ADGRL3: variants seen among roughly 807,000 people sequenced by gnomAD.
ADGRL3 encodes adhesion G protein-coupled receptor L3.
Under a neutral mutation model 153.5 loss-of-function variants are expected in ADGRL3, and 62 were observed. The ratio of observed to expected loss-of-function variants is 0.40; its 90% CI spans 0.33 to 0.50. The LOEUF (loss-of-function observed/expected upper bound fraction) is 0.50. ADGRL3 is among the 20% of genes least tolerant of loss of function. The pLI, the probability that ADGRL3 is intolerant of heterozygous loss-of-function variation, is 0.47. For synonymous variants in ADGRL3, 710 were observed against 672.5 expected (o/e 1.06, Z -0.86); for missense variants, 1,641 against 1,859.4 (o/e 0.88, Z 2.16).
At chr4:61,334,881 A>G (rs565500192) in intron 1 of ADGRL3, among the ~76,000 whole-genome samples, 7 of 152,226 alleles carry the variant, frequency 4.6e-5, no homozygotes, top group African/African-American at 1.4e-4. Flanking sequence ...TTAAATAGGG[A>G]TAAAATCTAG....
intron 1 of ADGRL3, among the ~76,000 whole-genome samples, chr4:61,248,836 A>G (rs992864590): frequency 6.6e-6 from 1 of 152,168 alleles, no homozygotes; most frequent in African/African-American, 2.4e-5. Context: ...AATAGTGTCT[A>G]AATCTGCTTT....
chr4:61,435,509 G>A (rs1289657598), intron 2 of ADGRL3, among the ~76,000 whole-genome samples: 1 of 152,052 alleles, frequency 6.6e-6, no homozygotes, highest in African/African-American at 2.4e-5. Flanking sequence ...CATTACCGGT[G>A]TGAAAATGGA....
chr4:61,587,193 A>T, intron 4 of ADGRL3, 34 bp from the exon 5 acceptor site: 1 of 1,468,166 alleles, frequency 6.8e-7, no homozygotes, highest in Non-Finnish European at 9.4e-7. Flanking sequence ...TGTAGTAACG[A>T]TGGCATCTCT....
intron 3 of ADGRL3, among the ~76,000 whole-genome samples, chr4:61,497,816 G>T (rs763027165): frequency 1.3e-4 from 19 of 151,752 alleles, no homozygotes; most frequent in Admixed American, 1.2e-3. Flanking sequence ...GAGCCACCGC[G>T]CCCAGCCCAT....
chr4:61,896,718 T>C (rs950582484), intron 11 of ADGRL3, among the ~76,000 whole-genome samples: 7 of 152,200 alleles, frequency 4.6e-5, no homozygotes, highest in Non-Finnish European at 1.0e-4. Flanking sequence ...ATATTGACTC[T>C]AGTTACCCTC....
intron 24 of ADGRL3, among the ~76,000 whole-genome samples, chr4:62,039,320 T>G (rs997105136): frequency 3.9e-5 from 6 of 152,202 alleles, no homozygotes; most frequent in African/African-American, 1.4e-4. Flanking sequence ...AGTTATAAAT[T>G]AATGGATGAC....
In ADGRL3 at chr4:61,358,011, C is replaced by T. The variant is rs184400046; in HGVS notation, c.-239-25113C>T. Among the ~76,000 whole-genome samples the T allele has an allele frequency of 1.6e-3, 237 of 152,184 alleles. 1 individual carries two copies. The highest frequency in any genetic ancestry group is 2.5e-3 in the Non-Finnish European group (173 of 68,002). ...TCTAATAGGGAATTGCAAGTAGTTA[C>T]GAGGGTGAAAGTTGCTGATCAAATA... On this transcript the variant is annotated intron_variant, in intron 1 of 26. Coordinates refer to ENST00000683033, the MANE Select transcript of ADGRL3 (RefSeq NM_001387552.1).
Position 61,361,520 on chromosome 4 carries a change from T to C in ADGRL3, c.-239-21604T>C, listed in dbSNP as rs371566592. ...ATAGGCTTGATTTCTAGTCCAGGCCTTGTCAATTACAAATTAATTCCTAGA... is the reference window on the plus strand; with the variant it reads ...ATAGGCTTGATTTCTAGTCCAGGCCCTGTCAATTACAAATTAATTCCTAGA... On this transcript the variant is annotated intron_variant, in intron 1 of 26. Transcript: ENST00000683033. Among the ~76,000 whole-genome samples the C allele has an allele frequency of 9.8e-5, 15 of 152,310 alleles. No individual in the cohort carries two copies. In the East Asian group the frequency reaches 1.7e-3, roughly 18 times the overall value.
At chr4:61,310,425 T>G (rs2150513546) in intron 1 of ADGRL3, among the ~76,000 whole-genome samples, 1 of 152,174 alleles carries the variant, frequency 6.6e-6, no homozygotes, top group East Asian at 1.9e-4. Flanking sequence ...AGGCAGACTG[T>G]TTCCTGTCTG....
chr4:62,006,449 G>T (rs2099159533), intron 21 of ADGRL3, among the ~76,000 whole-genome samples: 1 of 152,062 alleles, frequency 6.6e-6, no homozygotes, highest in African/African-American at 2.4e-5. Context: ...ACTTTTGGGG[G>T]TAGGACAGTT....
chr4:61,235,014 C>G (rs984642076), intron 1 of ADGRL3, among the ~76,000 whole-genome samples: 1 of 152,016 alleles, frequency 6.6e-6, no homozygotes, highest in Non-Finnish European at 1.5e-5. Context: ...ACAAGAAAAC[C>G]AACCAAATAA....
At chr4:61,750,836 G>C (rs982705464) in intron 8 of ADGRL3, among the ~76,000 whole-genome samples, 8 of 150,534 alleles carry the variant, frequency 5.3e-5, no homozygotes, top group Admixed American at 3.3e-4. Flanking sequence ...AGCTAAAGGA[G>C]CAAATAAATG....
chr4:61,751,364 T>C (rs2096754643), intron 8 of ADGRL3, among the ~76,000 whole-genome samples: 1 of 152,172 alleles, frequency 6.6e-6, no homozygotes, highest in South Asian at 2.1e-4. Flanking sequence ...TATTATTTCG[T>C]TTGAGATTAC....
chr4:61,627,093 G>T (rs902584125), intron 5 of ADGRL3, among the ~76,000 whole-genome samples: 1 of 151,750 alleles, frequency 6.6e-6, no homozygotes, highest in Non-Finnish European at 1.5e-5. Flanking sequence ...ACCCTTTATT[G>T]CCTCTGATTA....
At chr4:61,433,053 C>A (rs1310432426) in intron 2 of ADGRL3, among the ~76,000 whole-genome samples, 1 of 151,690 alleles carries the variant, frequency 6.6e-6, no homozygotes, top group Non-Finnish European at 1.5e-5. Context: ...TTCCAGTGGC[C>A]CCTGGGCATC....
At chr4:61,767,036 A>G (rs1195986308) in intron 8 of ADGRL3, among the ~76,000 whole-genome samples, 1 of 151,972 alleles carries the variant, frequency 6.6e-6, no homozygotes, top group Admixed American at 6.6e-5. Context: ...GTGCTGTGGG[A>G]TGGGATATTG....
intron 2 of ADGRL3, among the ~76,000 whole-genome samples, chr4:61,389,984 T>A (rs945692464): frequency 6.6e-6 from 1 of 152,066 alleles, no homozygotes; most frequent in African/African-American, 2.4e-5. Flanking sequence ...ACAATAATAC[T>A]TTTTTTCCCT....
intron 5 of ADGRL3, among the ~76,000 whole-genome samples, chr4:61,672,634 C>T (rs571831096): frequency 2.0e-5 from 3 of 152,022 alleles, no homozygotes; most frequent in Admixed American, 6.6e-5. Context: ...GATATCACTG[C>T]ATACCTGTTA....
At chr4:61,723,662 C>T (rs538234559) in intron 6 of ADGRL3, among the ~76,000 whole-genome samples, 1 of 152,198 alleles carries the variant, frequency 6.6e-6, no homozygotes, top group South Asian at 2.1e-4. Flanking sequence ...GTGGTGTTAT[C>T]TAGAGGCAGC....
Sources: allele counts gnomAD v4.1 joint callset (sites outside exome capture counted in the v4.1 genomes callset), GRCh38; gene constraint gnomAD v4.1.1; transcripts MANE v1.5; gene names NCBI Gene and HGNC (gene_info 2026-07-23, HGNC 2026-07-21).